PCDH15: variants seen among roughly 807,000 people sequenced by gnomAD.
PCDH15 encodes protocadherin-15.
PCDH15 carries 129 observed loss-of-function variants against 178.5 expected under a neutral mutation model. That is an observed-to-expected ratio of 0.72 (90% confidence interval 0.63 to 0.84). The LOEUF is 0.84. Ranked by LOEUF, PCDH15 falls within the 40% of genes least tolerant of loss-of-function variation. The pLI is 0.00. For missense variants in PCDH15, 2,230 were observed against 2,099.9 expected, an observed-to-expected ratio of 1.06 and a Z score of -1.21; for synonymous variants, 800 against 732.0, an observed-to-expected ratio of 1.09 and a Z score of -1.50.
chr10:54,149,536 A>C (rs906707847), intron 14 of PCDH15, among the ~76,000 whole-genome samples: 4 of 152,142 alleles, frequency 2.6e-5, no homozygotes, highest in Non-Finnish European at 5.9e-5. Flanking sequence ...ACTGGAATGG[A>C]CTAAGAAAAG....
intron 1 of PCDH15, among the ~76,000 whole-genome samples, chr10:55,280,444 A>ATTTTTTTTTTTTTTTT (rs1170034467): frequency 4.3e-5 from 4 of 92,058 alleles, no homozygotes; most frequent in African/African-American, 1.7e-4. Flanking sequence ...GCACCCAGCT[A>ATTTTTTTTTTTTTTTT]TTTTTTTTTT....
At position 54,641,958 on chromosome 10, in the gene PCDH15, C is replaced by T. The variant is rs1435048375; in HGVS notation, c.91+22214G>A. Reference sequence around the variant, plus strand: ...GCTAACAAACCTTGGTCTCTACATACCTCCTCAGTTTCATCAGCATTTGAT... The same window carrying T: ...GCTAACAAACCTTGGTCTCTACATATCTCCTCAGTTTCATCAGCATTTGAT... On this transcript the variant is annotated intron_variant, in intron 2 of 37. Transcript: ENST00000644397. Among the ~76,000 whole-genome samples the T allele has an allele frequency of 2.6e-5, 4 of 152,012 alleles. No individual in the cohort carries two copies. The South Asian group carries it at 8.3e-4, about 32-fold the overall frequency.
Position 54,185,279 on chromosome 10 carries a change from A to C in PCDH15, c.1306-11T>G, listed in dbSNP as rs769299109. Reference sequence around the variant, plus strand: ...CTCTGGGTCTTTTGTCTTTGAAAAAAAATGACATCGTTTCAAACGTTGAAT... The same window carrying C: ...CTCTGGGTCTTTTGTCTTTGAAAAACAATGACATCGTTTCAAACGTTGAAT... On this transcript the variant is annotated splice_polypyrimidine_tract_variant and intron_variant, in intron 11 of 37. Transcript: ENST00000644397. The C allele has an allele frequency of 4.3e-6, 7 of 1,613,432 alleles. No homozygotes were observed. In the South Asian group the frequency reaches 6.6e-5, roughly 15 times the overall value.
intron 1 of PCDH15, among the ~76,000 whole-genome samples, chr10:55,181,283 T>C (rs1839639948): frequency 6.6e-6 from 1 of 152,034 alleles, no homozygotes; most frequent in African/African-American, 2.4e-5. Flanking sequence ...GTGAAAAATT[T>C]TTAAGTATTG....
At chr10:53,852,499 A>G (rs543518049) in intron 28 of PCDH15, among the ~76,000 whole-genome samples, 197 of 152,112 alleles carry the variant, frequency 1.3e-3, no homozygotes, top group Middle Eastern at 0.01. Flanking sequence ...GTAGTAAAAA[A>G]TTTTCAGTAT....
chr10:54,034,264 AAAC>A (rs1401733132), intron 18 of PCDH15, among the ~76,000 whole-genome samples: 7 of 151,958 alleles, frequency 4.6e-5, no homozygotes, highest in Non-Finnish European at 8.8e-5. Context: ...CGTTTTTCCC[AAAC>A]AATACCCATA....
chr10:53,968,800 G>A (rs962919309), intron 21 of PCDH15, among the ~76,000 whole-genome samples: 1 of 152,158 alleles, frequency 6.6e-6, no homozygotes, highest in African/African-American at 2.4e-5. Flanking sequence ...CTGACTGTTA[G>A]AACGAAAACT....
At chr10:54,044,016 G>A (rs1242689437) in intron 18 of PCDH15, among the ~76,000 whole-genome samples, 1 of 152,066 alleles carries the variant, frequency 6.6e-6, no homozygotes, top group African/African-American at 2.4e-5. Context: ...TGTTCTAACT[G>A]TCCCTGCTAT....
intron 1 of PCDH15, among the ~76,000 whole-genome samples, chr10:54,709,855 T>C (rs1431719581): frequency 7.0e-6 from 1 of 143,646 alleles, no homozygotes. Context: ...TTTAACCAGA[T>C]TTTTAGGAAT....
rs190127186 is a variant in PCDH15, at chr10:54,776,360, A to G, written c.-29+24565T>C. 1.4e-3 allele frequency among the ~76,000 whole-genome samples: 213 copies of G among 152,262 alleles called. 2 individuals are homozygous for G. The highest frequency in any genetic ancestry group is 0.011 in the East Asian group (57 of 5,170). The stretch of plus-strand genomic sequence containing the variant: ...ATCAAACTGGTTGATAAAATTAACT[A>G]GTCCCAGCTTAAGATATCTGGGATC... On this transcript the variant is annotated intron_variant, in intron 1 of 37. Coordinates refer to ENST00000644397, the MANE Select transcript of PCDH15 (RefSeq NM_001384140.1).
At chr10:54,693,250 C>T (rs1023291675) in intron 1 of PCDH15, among the ~76,000 whole-genome samples, 3 of 151,748 alleles carry the variant, frequency 2.0e-5, no homozygotes, top group Non-Finnish European at 4.4e-5. Context: ...TGACAACTGA[C>T]GCTCTCTTTC....
chr10:53,926,273 G>GAAACA (rs749947070), intron 25 of PCDH15, among the ~76,000 whole-genome samples: 2 of 151,966 alleles, frequency 1.3e-5, no homozygotes, highest in Non-Finnish European at 2.9e-5. Flanking sequence ...CCTGCTTTAA[G>GAAACA]AAACAAAACA....
intron 1 of PCDH15, among the ~76,000 whole-genome samples, chr10:55,299,326 T>A (rs74136604): frequency 2.3e-3 from 350 of 152,250 alleles, no homozygotes; most frequent in African/African-American, 8.1e-3. Context: ...GTGGCTTTTT[T>A]AATTAAAGGT....
intron 5 of PCDH15, among the ~76,000 whole-genome samples, chr10:54,349,290 C>A (rs916000325): frequency 2.6e-5 from 4 of 151,924 alleles, no homozygotes; most frequent in Admixed American, 6.6e-5. Context: ...ATTGGTCTTG[C>A]GGGGAAGATA....
intron 2 of PCDH15, among the ~76,000 whole-genome samples, chr10:55,606,517 C>T (rs1396398356): frequency 2.7e-5 from 4 of 146,150 alleles, no homozygotes; most frequent in Non-Finnish European, 3.0e-5. Context: ...CTACAGTAAC[C>T]AAAACAGCAT....
intron 2 of PCDH15, among the ~76,000 whole-genome samples, chr10:54,551,565 T>C (rs2086619618): frequency 6.6e-6 from 1 of 152,098 alleles, no homozygotes; most frequent in Non-Finnish European, 1.5e-5. Flanking sequence ...ACAAGCAAAA[T>C]TTGATTTTTA....
chr10:55,292,968 T>G (rs2132270006), intron 1 of PCDH15, among the ~76,000 whole-genome samples: 1 of 152,260 alleles, frequency 6.6e-6, no homozygotes, highest in East Asian at 1.9e-4. Context: ...GGACTCTGTG[T>G]GGGGGCTCCG....
At chr10:55,106,195 T>C (rs1304532404) in intron 2 of PCDH15, among the ~76,000 whole-genome samples, 2 of 152,168 alleles carry the variant, frequency 1.3e-5, no homozygotes, top group Non-Finnish European at 1.5e-5. Flanking sequence ...TTAAACTCTT[T>C]GTAACTTGAA....
At chr10:54,466,636 C>G (rs1284736424) in intron 3 of PCDH15, among the ~76,000 whole-genome samples, 1 of 151,898 alleles carries the variant, frequency 6.6e-6, no homozygotes, top group Admixed American at 6.6e-5. Context: ...GTTCTTTTCA[C>G]TCAGGATTGT....
Sources: allele counts gnomAD v4.1 joint callset (sites outside exome capture counted in the v4.1 genomes callset), GRCh38; gene constraint gnomAD v4.1.1; transcripts MANE v1.5; gene names NCBI Gene and HGNC (gene_info 2026-07-23, HGNC 2026-07-21).